Variants in TM9SF3 observed in about 807,000 individuals in gnomAD.
TM9SF3 encodes SM-11044-binding protein.
In TM9SF3, 14 loss-of-function variants were observed where a neutral mutation model predicts 78.6. The observed-to-expected ratio is 0.18, with a 90% CI of 0.12 to 0.28. The LOEUF (loss-of-function observed/expected upper bound fraction) is 0.28. Ranked by LOEUF, TM9SF3 falls within the 10% of genes least tolerant of loss-of-function variation. The pLI, the probability that TM9SF3 is intolerant of heterozygous loss-of-function variation, is 1.00. For missense variants in TM9SF3, 496 were observed against 721.9 expected (o/e 0.69, Z 3.59); for synonymous variants, 231 against 241.7 (o/e 0.96, Z 0.41).
In TM9SF3 at chr10:96,530,075, A is replaced by G. The variant is rs540186231; in HGVS notation, c.1394+465T>C. On this transcript the variant is annotated intron_variant, in intron 11 of 14. Transcript: ENST00000371142. ...AAGGTGGCATACCTCTTATCTCTAA[A>G]TACATACACACTTCCTAGCACTCCT... Among the ~76,000 whole-genome samples the G allele has an allele frequency of 2.4e-4, 36 of 152,316 alleles. No homozygotes were observed. In the Middle Eastern group the frequency reaches 0.01, roughly 43 times the overall value.
chr10:96,578,200 A>C (rs1354854010), intron 1 of TM9SF3, among the ~76,000 whole-genome samples: 1 of 152,200 alleles, frequency 6.6e-6, no homozygotes, highest in Non-Finnish European at 1.5e-5. Flanking sequence ...CTGTTCATAT[A>C]AGACAACAGC....
In TM9SF3 at chr10:96,562,108, T is replaced by G; in HGVS notation, c.452A>C (p.Glu151Ala). Residue 151 changes from glutamate (E) to alanine (A), a missense_variant, in exon 4 of 15, where the codon GAA (glutamate) becomes GCA (alanine). Coordinates refer to ENST00000371142, the MANE Select transcript of TM9SF3 (RefSeq NM_020123.4). ...GIVGEADENG[E>A]DYYLWTYKKL... is the part of the protein sequence containing the mutation. ...TTTATAGGTCCAAAGATAGTAATCT[T>G]CTCCATTTTCATCAGCCTCACCAAC... 1.2e-6 allele frequency: 2 copies of G among 1,612,732 alleles called. No homozygotes were observed. Among genetic ancestry groups the G allele is most frequent in the South Asian group, 2.2e-5 (2 of 90,902 alleles).
chr10:96,586,207 A>G (rs958218470), intron 1 of TM9SF3, among the ~76,000 whole-genome samples: 3 of 152,180 alleles, frequency 2.0e-5, no homozygotes, highest in Non-Finnish European at 4.4e-5. Flanking sequence ...GCCCCACCCC[A>G]GGGTTTTAAT....
At chr10:96,552,902 C>T in intron 6 of TM9SF3, 26 bp downstream of exon 6, 1 of 1,496,236 alleles carries the variant, frequency 6.7e-7, no homozygotes, top group African/African-American at 1.4e-5. Flanking sequence ...AATGTTTCTA[C>T]AAATATAATG....
At chr10:96,544,386 C>A (rs1185540052) in intron 8 of TM9SF3, among the ~76,000 whole-genome samples, 180 bp from the exon 9 acceptor site, 1 of 152,126 alleles carries the variant, frequency 6.6e-6, no homozygotes, top group African/African-American at 2.4e-5. Context: ...GAAGTGGGTG[C>A]ACTGGAAAAG....
chr10:96,531,799 AG>A (rs1847898995), intron 10 of TM9SF3, among the ~76,000 whole-genome samples: 1 of 152,112 alleles, frequency 6.6e-6, no homozygotes, highest in African/African-American at 2.4e-5. Context: ...CACTGGCCCT[AG>A]TGACTTAGAG....
At chr10:96,543,952 A>C in intron 9 of TM9SF3, 124 bp downstream of exon 9, 1 of 1,025,110 alleles carries the variant, frequency 9.8e-7, no homozygotes, top group Non-Finnish European at 1.3e-6. Context: ...CTAACTTTCC[A>C]GGACTGAGTA....
At chr10:96,584,684 G>A (rs190655607) in intron 1 of TM9SF3, among the ~76,000 whole-genome samples, 130 of 152,184 alleles carry the variant, frequency 8.5e-4, no homozygotes, top group Middle Eastern at 3.4e-3. Context: ...GTGTGGTGGC[G>A]CACACCTGTA....
In TM9SF3 at chr10:96,518,873, G is replaced by A. The variant is rs1417105054; in HGVS notation, c.*3390C>T. On this transcript the variant is annotated 3_prime_UTR_variant, in exon 15 of 15. Transcript: ENST00000371142. ...ATAGTTTCATAACTATAGAATTTTA[G>A]TGAAGATATAAAACATTAATGAATA... is the stretch of plus-strand genomic sequence containing the variant. 6.6e-6 allele frequency: 1 copy of A among 151,936 alleles called. No homozygotes were observed. The highest frequency in any genetic ancestry group is 1.5e-5 in the Non-Finnish European group (1 of 67,916). 9.4% of individuals were successfully genotyped at this position (151,936 alleles called of 1,614,324 possible).
chr10:96,528,834 G>GGGTCT (rs1847866009), intron 11 of TM9SF3, among the ~76,000 whole-genome samples: 1 of 152,126 alleles, frequency 6.6e-6, no homozygotes, highest in African/African-American at 2.4e-5. Flanking sequence ...AACAGGGCCA[G>GGGTCT]TTCTTACGTT....
In TM9SF3 at chr10:96,519,730, G is replaced by A. The variant is rs191477099; in HGVS notation, c.*2533C>T. On this transcript the variant is annotated 3_prime_UTR_variant, in exon 15 of 15. Transcript: ENST00000371142. The stretch of plus-strand genomic sequence containing the variant: ...ATGTTCTATTTTCTATTCTACAACT[G>A]AGCGCTAGGGAGCTAAACTATTTGT... 2.0e-3 allele frequency: 307 copies of A among 151,906 alleles called. 1 individual carries two copies. Among genetic ancestry groups the A allele is most frequent in the African/African-American group, 6.2e-3 (257 of 41,518 alleles). 9.4% of individuals were successfully genotyped at this position (151,906 alleles called of 1,614,324 possible).
intron 4 of TM9SF3, chr10:96,560,931 T>C (rs2134150106): frequency 2.0e-6 from 1 of 496,344 alleles, no homozygotes; most frequent in Non-Finnish European, 3.8e-6. Flanking sequence ...ATTGAACAGT[T>C]CAGGGCACTA....
At chr10:96,538,581 T>C (rs1183319946) in intron 9 of TM9SF3, among the ~76,000 whole-genome samples, 1 of 152,152 alleles carries the variant, frequency 6.6e-6, no homozygotes, top group Non-Finnish European at 1.5e-5. Context: ...AAATACTCTT[T>C]AGATTATGAA....
At chr10:96,580,456 C>T (rs970013751) in intron 1 of TM9SF3, among the ~76,000 whole-genome samples, 4 of 152,056 alleles carry the variant, frequency 2.6e-5, no homozygotes, top group African/African-American at 7.2e-5. Flanking sequence ...TTAGTAGAGA[C>T]GGGGTTTCAC....
rs373875076 is a variant in TM9SF3, at chr10:96,576,803, T to C, written c.129A>G (p.Leu43=). 8 of 1,533,618 alleles carry C rather than the reference T, an allele frequency of 5.2e-6. No individual in the cohort carries two copies. The highest frequency in any genetic ancestry group is 6.1e-6 in the Non-Finnish European group (7 of 1,146,414). Residue 43 remains leucine (L), a synonymous_variant, in exon 2 of 15, where the codon TTA becomes TTG. Coordinates refer to ENST00000371142, the MANE Select transcript of TM9SF3 (RefSeq NM_020123.4). ...GGTAGGGCCCAACAGTATTCATCCATAAGACAACTTCCTCTTTATCTTGAT... is the reference window on the plus strand; with the variant it reads ...GGTAGGGCCCAACAGTATTCATCCACAAGACAACTTCCTCTTTATCTTGAT... ...HTYQDKEEVV[L]WMNTVGPYHN...
intron 1 of TM9SF3, among the ~76,000 whole-genome samples, chr10:96,581,655 ACTTATAGTAAACAG>A (rs1322360200): frequency 6.6e-6 from 1 of 152,250 alleles, no homozygotes; most frequent in Non-Finnish European, 1.5e-5. Flanking sequence ...TCACAAATTC[ACTTATAGTAAACAG>A]CTTATACTCT....
chr10:96,539,425 GAATAT>G (rs1381072202), intron 9 of TM9SF3, among the ~76,000 whole-genome samples: 1 of 152,060 alleles, frequency 6.6e-6, no homozygotes, highest in Non-Finnish European at 1.5e-5. Flanking sequence ...AAACAAAAAA[GAATAT>G]ATACTGTATG....
chr10:96,559,421 A>ATAT (rs1848274909), intron 5 of TM9SF3, among the ~76,000 whole-genome samples: 1 of 2,042 alleles, frequency 4.9e-4, no homozygotes, highest in South Asian at 0.25. Context: ...CCCGTATGTT[A>ATAT]TATTCTTCGT....
intron 8 of TM9SF3, among the ~76,000 whole-genome samples, chr10:96,545,961 C>T (rs771715296): frequency 5.3e-5 from 8 of 152,284 alleles, no homozygotes; most frequent in South Asian, 2.1e-4. Context: ...TTCCTTCTAA[C>T]AGTCAAAAAG....
Sources: allele counts gnomAD v4.1 joint callset (sites outside exome capture counted in the v4.1 genomes callset), GRCh38; gene constraint gnomAD v4.1.1; transcripts MANE v1.5; gene names NCBI Gene and HGNC (gene_info 2026-07-23, HGNC 2026-07-21).